SUSD4: variants seen among roughly 807,000 people sequenced by gnomAD.
The protein encoded by SUSD4 is sushi domain-containing protein 4.
SUSD4 carries 41 observed loss-of-function variants against 50.5 expected under a neutral mutation model. That is an observed-to-expected ratio of 0.81 (90% CI 0.63 to 1.05). The LOEUF is 1.05. Among genes scored for constraint, SUSD4 ranks in the 50% least tolerant of loss-of-function variants. The probability of loss-of-function intolerance (pLI) is 0.00; values close to 1 mark genes in which losing one functional copy is unlikely to be tolerated. For missense variants in SUSD4, 580 were observed against 634.7 expected (o/e 0.91, Z 0.93); for synonymous variants, 257 against 257.3 (o/e 1.00, Z 0.01).
chr1:223,334,421 T>C (rs138653395), intron 2 of SUSD4, among the ~76,000 whole-genome samples: 1 of 151,568 alleles, frequency 6.6e-6, no homozygotes, highest in African/African-American at 2.4e-5. Context: ...AAGAGAAAAA[T>C]GAAGAGAAGG....
chr1:223,348,290 T>C (rs1432093665), intron 2 of SUSD4, among the ~76,000 whole-genome samples: 1 of 152,196 alleles, frequency 6.6e-6, no homozygotes, highest in African/African-American at 2.4e-5. Context: ...ATTCTGCTCA[T>C]ATTTTCAGCG....
intron 2 of SUSD4, among the ~76,000 whole-genome samples, chr1:223,336,520 C>T (rs1667465930): frequency 6.6e-6 from 1 of 152,182 alleles, no homozygotes; most frequent in Non-Finnish European, 1.5e-5. Context: ...GGAAGCACAG[C>T]ACAGAGACTG....
rs149557739 is a variant in SUSD4 at position 223,264,661 on chromosome 1, C to T, written c.693G>A (p.Ser231=). Residue 231 remains serine, a synonymous_variant, in exon 5 of 9, where the codon TCG becomes TCA. Transcript: ENST00000366878. ...YLECLQNLIW[S]SSPPRCLALE... ...GAGCAAGGCACCGGGGTGGGCTGGA[C>T]GACCAGATAAGGTTTTGTAAGCACT... 1.2e-4 allele frequency: 190 copies of T among 1,614,120 alleles called. No homozygotes were observed. Among genetic ancestry groups the T allele is most frequent in the Middle Eastern group, 6.6e-4 (4 of 6,062 alleles).
intron 5 of SUSD4, among the ~76,000 whole-genome samples, chr1:223,235,916 T>C (rs956713798): frequency 6.6e-6 from 1 of 151,924 alleles, no homozygotes; most frequent in African/African-American, 2.4e-5. Context: ...AGAATACATT[T>C]AGTTTTGTAA....
rs1186484118 is a variant in SUSD4 at position 223,231,282 on chromosome 1, CAG to C, written c.725-1896_725-1895del. ...CCAGGTGACAAGGGGGTCTGGGAAA[CAG>C]GGTCTGCGGTGGACAGCCTGTCTAG... On this transcript the variant is annotated intron_variant, in intron 5 of 8. Transcript: ENST00000366878. This position sits in a 1 kb window ranked among gnomAD's most constrained non-coding sequence, Gnocchi z 4.2. Among the ~76,000 whole-genome samples, 3 of 152,128 alleles carry C rather than the reference CAG, an allele frequency of 2.0e-5. No individual in the cohort carries two copies. Among genetic ancestry groups the C allele is most frequent in the Non-Finnish European group, 4.4e-5 (3 of 68,006 alleles).
Position 223,241,809 on chromosome 1 carries a change from G to A in SUSD4, c.725-12421C>T, listed in dbSNP as rs369193291. Among the ~76,000 whole-genome samples, 23 of 152,302 alleles carry A rather than the reference G, an allele frequency of 1.5e-4. 1 individual carries two copies. The South Asian group carries it at 2.5e-3, about 16-fold the overall frequency. On this transcript the variant is annotated intron_variant, in intron 5 of 8. Transcript: ENST00000366878. ...GCTGCTCTGTGTCTGAGCAGCAATC[G>A]AGAAGTGACTGCCATCCACTATCAA...
intron 2 of SUSD4, among the ~76,000 whole-genome samples, chr1:223,304,336 T>C (rs1665383714): frequency 6.6e-6 from 1 of 152,200 alleles, no homozygotes; most frequent in Non-Finnish European, 1.5e-5. Context: ...CAATCCTGCA[T>C]GCAATTTTGT....
chr1:223,288,030 CCAG>C (rs1349872534), intron 3 of SUSD4, among the ~76,000 whole-genome samples: 1 of 152,160 alleles, frequency 6.6e-6, no homozygotes, highest in African/African-American at 2.4e-5. Context: ...CTGAATCTAC[CCAG>C]GTGCTGAAGC....
In SUSD4 at chr1:223,223,425, C is replaced by T. The variant is rs368274122; in HGVS notation, c.1268G>A (p.Gly423Asp). 3.1e-6 allele frequency: 5 copies of T among 1,613,892 alleles called. No individual in the cohort carries two copies. The highest frequency in any genetic ancestry group is 4.2e-6 in the Non-Finnish European group (5 of 1,179,894). ...GTCACAGGTTTCTGACTCCCCTGGG[C>T]CTGTGTCCGTGTCCCCTGAGCCGGG... ...AYPGSGDTDTGPGESETCDSV... is the reference protein window; with the variant it reads ...AYPGSGDTDTDPGESETCDSV... Residue 423 changes from glycine (G) to aspartate (D), a missense_variant, in exon 8 of 9, where the codon GGC (glycine) becomes GAC (aspartate). By Grantham distance (94) the Gly-to-Asp change is moderately conservative (BLOSUM62 -1). Transcript: ENST00000366878.
chr1:223,291,488 C>CAAAGAAAA, intron 3 of SUSD4, among the ~76,000 whole-genome samples: 1 of 49,548 alleles, frequency 2.0e-5, no homozygotes, highest in Admixed American at 2.5e-4. Context: ...GACACTGTCT[C>CAAAGAAAA]AAAAAAAAAA....
intron 5 of SUSD4, among the ~76,000 whole-genome samples, chr1:223,257,120 G>C (rs1053567662): frequency 1.3e-5 from 2 of 152,188 alleles, no homozygotes; most frequent in African/African-American, 4.8e-5. Flanking sequence ...CCGGGGCTAG[G>C]AGTGCAGGGA....
At chr1:223,268,470 C>T (rs760624956) in intron 4 of SUSD4, 32 bp downstream of exon 4, 9 of 1,590,178 alleles carry the variant, frequency 5.7e-6, no homozygotes, top group East Asian at 2.2e-5. Flanking sequence ...AGAATAATAG[C>T]CCAGCTGAGA....
intron 2 of SUSD4, among the ~76,000 whole-genome samples, chr1:223,352,535 C>T (rs888946229): frequency 2.6e-5 from 4 of 152,088 alleles, no homozygotes; most frequent in South Asian, 2.1e-4. Flanking sequence ...GGTCTGGGGC[C>T]GAGAAGAGGC....
intron 2 of SUSD4, among the ~76,000 whole-genome samples, chr1:223,304,945 G>C (rs1665441928): frequency 6.7e-6 from 1 of 149,480 alleles, no homozygotes; most frequent in Admixed American, 6.7e-5. Flanking sequence ...CTAGAGCCAT[G>C]TTAATATCTG....
At chr1:223,338,146 A>G (rs778680053) in intron 2 of SUSD4, among the ~76,000 whole-genome samples, 9 of 152,216 alleles carry the variant, frequency 5.9e-5, no homozygotes, top group Admixed American at 2.0e-4. Flanking sequence ...ATTTATGTAA[A>G]CGTACATGTT....
chr1:223,306,140 CT>C (rs536437651), intron 2 of SUSD4, among the ~76,000 whole-genome samples: 5 of 152,256 alleles, frequency 3.3e-5, no homozygotes, highest in Admixed American at 3.3e-4. Flanking sequence ...ATATTTTCCC[CT>C]CTCTTGATTT....
intron 2 of SUSD4, among the ~76,000 whole-genome samples, chr1:223,321,345 C>G (rs1023346478): frequency 2.0e-5 from 3 of 152,190 alleles, no homozygotes; most frequent in Admixed American, 2.0e-4. Flanking sequence ...AGTCAATGAA[C>G]CTCTTTAGGT....
chr1:223,281,097 G>A (rs1000477410), intron 3 of SUSD4, among the ~76,000 whole-genome samples: 2 of 152,168 alleles, frequency 1.3e-5, no homozygotes, highest in African/African-American at 4.8e-5. Flanking sequence ...AGTGTGTAGA[G>A]GGAAATTTAT....
At chr1:223,327,206 T>C (rs1428238365) in intron 2 of SUSD4, among the ~76,000 whole-genome samples, 1 of 152,204 alleles carries the variant, frequency 6.6e-6, no homozygotes, top group East Asian at 1.9e-4. Context: ...TGGAGGCCAT[T>C]ATTCTAACTG....
Sources: allele counts gnomAD v4.1 joint callset (sites outside exome capture counted in the v4.1 genomes callset), GRCh38; gene constraint gnomAD v4.1.1; non-coding constraint Gnocchi (gnomAD v3.1); transcripts MANE v1.5; gene names NCBI Gene and HGNC (gene_info 2026-07-23, HGNC 2026-07-21).